The following SEM1 variants were observed in gnomAD, a reference collection of about 807,000 sequenced individuals.
The protein encoded by SEM1 is SEM1 26S proteasome subunit.
Under a neutral mutation model 12.7 loss-of-function variants are expected in SEM1, and 3 were observed. The observed-to-expected ratio is 0.24, with a 90% CI of 0.11 to 0.61. The LOEUF (loss-of-function observed/expected upper bound fraction) is 0.61, where lower values mean the gene tolerates loss of function less well. Ranked by LOEUF, SEM1 falls within the 20% of genes least tolerant of loss-of-function variation. The pLI is 0.88. For missense variants in SEM1, 59 were observed against 81.3 expected (o/e 0.73, Z 1.06); for synonymous variants, 30 against 27.8 (o/e 1.08, Z -0.25).
At chr7:96,658,116 G>C (rs1420147065) in intron 2 of SEM1, among the ~76,000 whole-genome samples, 1 of 152,118 alleles carries the variant, frequency 6.6e-6, no homozygotes, top group Non-Finnish European at 1.5e-5. Context: ...AGGTTACTTA[G>C]GCCGATGAAT....
chr7:96,503,777 G>T (rs1011751376), intron 3 of SEM1, among the ~76,000 whole-genome samples: 1 of 152,108 alleles, frequency 6.6e-6, no homozygotes, highest in Non-Finnish European at 1.5e-5. Context: ...GATTGCTGCC[G>T]TTACAGCTGC....
chr7:96,638,707 T>C (rs1396345257), intron 2 of SEM1, among the ~76,000 whole-genome samples: 3 of 151,944 alleles, frequency 2.0e-5, no homozygotes, highest in Non-Finnish European at 2.9e-5. Context: ...AACATAACCT[T>C]CTCTCCTAGT....
chr7:96,537,208 T>C (rs1804812170), intron 2 of SEM1, among the ~76,000 whole-genome samples: 1 of 151,790 alleles, frequency 6.6e-6, no homozygotes. Flanking sequence ...TTTCTCTCTA[T>C]GGCCCCTTGT....
At chr7:96,567,890 A>T (rs912940210) in intron 2 of SEM1, among the ~76,000 whole-genome samples, 11 of 151,368 alleles carry the variant, frequency 7.3e-5, no homozygotes, top group Non-Finnish European at 1.6e-4. Context: ...TTTTGGATCA[A>T]TATTCACAAA....
intron 2 of SEM1, among the ~76,000 whole-genome samples, chr7:96,682,743 G>A (rs1789652326): frequency 6.6e-6 from 1 of 151,918 alleles, no homozygotes; most frequent in Non-Finnish European, 1.5e-5. Context: ...GTAACCTACA[G>A]AATGGGAGAA....
rs564669675 is a variant in SEM1, at chr7:96,531,425, A to G, written c.171-24727T>C. ...CTCTATAAAAAATATAAAAAAAAAA[A>G]CAACAAAAAAAAACAAACAAAAAGA... On this transcript the variant is annotated intron_variant and NMD_transcript_variant, in intron 2 of 3. Coordinates refer to the SEM1 transcript ENST00000466986. Among the ~76,000 whole-genome samples, 7 of 145,888 alleles carry G rather than the reference A, an allele frequency of 4.8e-5. No homozygotes were observed. In the East Asian group the frequency reaches 1.2e-3, roughly 25 times the overall value.
Position 96,613,106 on chromosome 7 carries a change from T to C in SEM1, c.170+81692A>G, listed in dbSNP as rs527291032. On this transcript the variant is annotated intron_variant and NMD_transcript_variant, in intron 2 of 3. Transcript: ENST00000466986. ...TGTGTTTTAATGGAAAACCATGCAT[T>C]GTCTAGACTCTAGAGGAGACCTTTT... Among the ~76,000 whole-genome samples, 7 of 152,352 alleles carry C rather than the reference T, an allele frequency of 4.6e-5. No individual in the cohort carries two copies. In the East Asian group the frequency reaches 1.3e-3, roughly 29 times the overall value.
downstream of SEM1, among the ~76,000 whole-genome samples, chr7:96,619,859 C>T (rs1435706896): frequency 1.3e-5 from 2 of 152,052 alleles, no homozygotes; most frequent in Non-Finnish European, 2.9e-5. Flanking sequence ...CAGGTGCAGC[C>T]ACGTCAACTC....
At chr7:96,582,183 G>C (rs926072191) in intron 2 of SEM1, among the ~76,000 whole-genome samples, 10 of 151,262 alleles carry the variant, frequency 6.6e-5, no homozygotes, top group East Asian at 1.9e-4. Flanking sequence ...TTGCATGAAG[G>C]GTTGTTGAAT....
intron 2 of SEM1, among the ~76,000 whole-genome samples, chr7:96,586,708 T>C (rs1301320946): frequency 1.3e-5 from 2 of 152,328 alleles, no homozygotes; most frequent in African/African-American, 2.4e-5. Flanking sequence ...TTGTTTCCCA[T>C]GTGCTGGGCA....
chr7:96,510,020 T>G (rs73390914), intron 2 of SEM1, among the ~76,000 whole-genome samples: 3,988 of 152,248 alleles, frequency 0.026, 85 homozygotes, highest in East Asian at 0.058. Context: ...ACTGCTGAAC[T>G]ATATATTTTA....
chr7:96,586,034 T>C (rs1806622809), intron 2 of SEM1, among the ~76,000 whole-genome samples: 1 of 152,190 alleles, frequency 6.6e-6, no homozygotes, highest in South Asian at 2.1e-4. Flanking sequence ...AGATGAGGTC[T>C]TGCTATGTTG....
intron 1 of SEM1, among the ~76,000 whole-genome samples, chr7:96,702,411 T>C (rs922886528): frequency 6.6e-6 from 1 of 152,176 alleles, no homozygotes; most frequent in African/African-American, 2.4e-5. Flanking sequence ...ACGGCTGATT[T>C]CACATATAAA....
chr7:96,518,759 G>A (rs1001631031), intron 2 of SEM1, among the ~76,000 whole-genome samples: 1 of 152,096 alleles, frequency 6.6e-6, no homozygotes, highest in South Asian at 2.1e-4. Context: ...TAGTAAATGA[G>A]GTGATGTTTT....
Position 96,627,483 on chromosome 7 carries a change from CAAG to C in SEM1, c.171-4843_171-4841del, listed in dbSNP as rs1808109953. Among the ~76,000 whole-genome samples the C allele has an allele frequency of 2.0e-5, 3 of 151,978 alleles. No homozygotes were observed. The South Asian group carries it at 6.2e-4, about 32-fold the overall frequency. ...TTTGTGTTTCCTTTATCATTTGTTT[CAAG>C]AAGATTTTCAATTTCCTTCTTATAA... On this transcript the variant is annotated intron_variant, in intron 2 of 2. Transcript: ENST00000417009.
At chr7:96,633,471 A>G (rs1808335142) in intron 2 of SEM1, among the ~76,000 whole-genome samples, 1 of 152,202 alleles carries the variant, frequency 6.6e-6, no homozygotes, top group South Asian at 2.1e-4. Flanking sequence ...TGTTTTGAAC[A>G]TAGTGGATAC....
chr7:96,557,312 CGTT>C (rs1805543780), intron 2 of SEM1, among the ~76,000 whole-genome samples: 1 of 146,748 alleles, frequency 6.8e-6, no homozygotes, highest in Admixed American at 6.9e-5. Flanking sequence ...TTTTCCCCAT[CGTT>C]GTGGTTTTAT....
At chr7:96,509,517 T>A (rs6946558) in intron 2 of SEM1, among the ~76,000 whole-genome samples, 13,561 of 152,160 alleles carry the variant, frequency 0.089, 1,980 homozygotes, top group African/African-American at 0.31. Context: ...CTCTACAGCT[T>A]GTGCTTCTCC....
intron 2 of SEM1, among the ~76,000 whole-genome samples, chr7:96,635,991 T>G (rs1266592561): frequency 6.6e-6 from 1 of 152,150 alleles, no homozygotes; most frequent in African/African-American, 2.4e-5. Context: ...TATTTTCATT[T>G]TGTAGTTATA....
Sources: allele counts gnomAD v4.1 joint callset (sites outside exome capture counted in the v4.1 genomes callset), GRCh38; gene constraint gnomAD v4.1.1; transcripts MANE v1.5; gene names NCBI Gene and HGNC (gene_info 2026-07-23, HGNC 2026-07-21).